SLCO1B3: variants seen among roughly 807,000 people sequenced by gnomAD.
SLCO1B3 encodes solute carrier organic anion transporter family member 1B3.
Under a neutral mutation model 71.8 loss-of-function variants are expected in SLCO1B3, and 72 were observed. That is an observed-to-expected ratio of 1.00 (90% CI 0.83 to 1.22). The LOEUF (loss-of-function observed/expected upper bound fraction) is 1.22. Among genes scored for constraint, SLCO1B3 ranks in the 50% most tolerant of loss-of-function variants. The pLI, the probability that SLCO1B3 is intolerant of heterozygous loss-of-function variation, is 0.00. For missense variants in SLCO1B3, 911 were observed against 819.7 expected (o/e 1.11, Z -1.36); for synonymous variants, 298 against 278.4 (o/e 1.07, Z -0.70).
At chr12:20,882,970 G>A (rs1206613234) in intron 12 of SLCO1B3, among the ~76,000 whole-genome samples, 2 of 151,986 alleles carry the variant, frequency 1.3e-5, no homozygotes, top group Admixed American at 1.3e-4. Flanking sequence ...TGTTGCTTTT[G>A]CCTGCTTAAA....
intron 4 of SLCO1B3, among the ~76,000 whole-genome samples, chr12:20,857,847 A>C (rs773750020): frequency 2.9e-4 from 44 of 152,120 alleles, no homozygotes; most frequent in Non-Finnish European, 5.3e-4. Context: ...CTCTTCTTCC[A>C]TGTTTTAATC....
chr12:20,881,851 C>A (rs892425252), intron 12 of SLCO1B3, among the ~76,000 whole-genome samples: 1 of 152,112 alleles, frequency 6.6e-6, no homozygotes, highest in Non-Finnish European at 1.5e-5. Context: ...TAGTCAGCTG[C>A]GATTATGACT....
At chr12:20,860,597 CTT>C (rs1491377539) in intron 5 of SLCO1B3, among the ~76,000 whole-genome samples, 1,938 of 79,528 alleles carry the variant, frequency 0.024, 21 homozygotes, top group Middle Eastern at 0.065. Flanking sequence ...AAGTCAAGCA[CTT>C]TGTGTGTGTG....
At chr12:20,845,988 T>A (rs199785224) in intron 3 of SLCO1B3, among the ~76,000 whole-genome samples, 1 of 143,114 alleles carries the variant, frequency 7.0e-6, no homozygotes, top group Admixed American at 7.1e-5. Context: ...TTTTTTTTTT[T>A]AACTGTTGTT....
chr12:20,845,157 G>T, intron 3 of SLCO1B3: 1 of 464,050 alleles, frequency 2.2e-6, no homozygotes, highest in South Asian at 1.7e-5. Flanking sequence ...AGCTCACCGG[G>T]CTGATTGTGA....
chr12:20,901,937 T>C, intron 15 of SLCO1B3: 1 of 431,274 alleles, frequency 2.3e-6, no homozygotes, highest in Non-Finnish European at 4.6e-6. Flanking sequence ...GACAACTAGA[T>C]TATCTGGAAG....
At chr12:20,866,314 A>G (rs748115826) in intron 8 of SLCO1B3, among the ~76,000 whole-genome samples, 2 of 152,152 alleles carry the variant, frequency 1.3e-5, no homozygotes, top group Non-Finnish European at 2.9e-5. Context: ...CACACAGAAA[A>G]ATGGATCAAC....
intron 3 of SLCO1B3, among the ~76,000 whole-genome samples, chr12:20,823,466 TAA>T (rs1864360344): frequency 1.3e-5 from 2 of 152,348 alleles, no homozygotes; most frequent in South Asian, 4.1e-4. Context: ...ACAGGTACTA[TAA>T]TTTATAGAAG....
At chr12:20,848,338 T>C (rs1237365857) in intron 3 of SLCO1B3, among the ~76,000 whole-genome samples, 3 of 152,174 alleles carry the variant, frequency 2.0e-5, no homozygotes, top group African/African-American at 7.2e-5. Context: ...AAATGCCAAA[T>C]GCTGGCAAAT....
At chr12:20,830,781 A>G (rs7967577) in intron 3 of SLCO1B3, among the ~76,000 whole-genome samples, 2 of 152,216 alleles carry the variant, frequency 1.3e-5, no homozygotes, top group African/African-American at 4.8e-5. Context: ...GTCTATTGTG[A>G]TGAAATATTT....
At chr12:20,890,227 A>G (rs1565603979) in intron 13 of SLCO1B3, among the ~76,000 whole-genome samples, 2 of 70,714 alleles carry the variant, frequency 2.8e-5, no homozygotes, top group Non-Finnish European at 1.0e-4. Context: ...CCTCATTTCA[A>G]TTAAAAAAAA....
At position 20,860,599 on chromosome 12, in the gene SLCO1B3, TTGTGTG is replaced by T. The variant is rs34409706; in HGVS notation, c.360-386_360-381del. ...ATTGAGTTTTGAAAAGTCAAGCACTTTGTGTGTGTGTGTGTGTGTGTGTGTGTGTGT... is the reference window on the plus strand; with the variant it reads ...ATTGAGTTTTGAAAAGTCAAGCACTTTGTGTGTGTGTGTGTGTGTGTGTGT... On this transcript the variant is annotated intron_variant, in intron 5 of 15. Transcript: ENST00000381545. Among the ~76,000 whole-genome samples, 830 of 146,720 alleles carry T rather than the reference TTGTGTG, an allele frequency of 5.7e-3. 7 individuals carry two copies. Among genetic ancestry groups the T allele is most frequent in the African/African-American group, 0.02 (781 of 39,630 alleles).
At chr12:20,823,983 G>A (rs1003275879) in intron 3 of SLCO1B3, among the ~76,000 whole-genome samples, 3 of 152,048 alleles carry the variant, frequency 2.0e-5, no homozygotes, top group African/African-American at 4.8e-5. Context: ...CTCGAATTAC[G>A]TCCTGTGATA....
intron 13 of SLCO1B3, among the ~76,000 whole-genome samples, chr12:20,893,219 G>A (rs952337242): frequency 1.3e-5 from 2 of 152,050 alleles, no homozygotes; most frequent in Admixed American, 6.6e-5. Flanking sequence ...GACTGTGGGT[G>A]GAAGACTTTC....
intron 3 of SLCO1B3, among the ~76,000 whole-genome samples, chr12:20,822,198 C>T (rs887234039): frequency 1.5e-4 from 23 of 152,094 alleles, no homozygotes; most frequent in African/African-American, 5.3e-4. Flanking sequence ...CATGTGTGTC[C>T]ATGTGAAGAG....
chr12:20,886,774 A>G (rs910675602), intron 13 of SLCO1B3, among the ~76,000 whole-genome samples: 5 of 151,968 alleles, frequency 3.3e-5, no homozygotes, highest in African/African-American at 1.2e-4. Context: ...CATGGATTAT[A>G]TTGTGCAGTG....
chr12:20,861,845 T>C (rs994720288), intron 6 of SLCO1B3, among the ~76,000 whole-genome samples: 3 of 152,096 alleles, frequency 2.0e-5, no homozygotes, highest in African/African-American at 7.2e-5. Flanking sequence ...AACAAAAATA[T>C]ACTTGCCTAC....
intron 8 of SLCO1B3, among the ~76,000 whole-genome samples, chr12:20,870,492 T>C (rs1211949854): frequency 6.6e-6 from 1 of 152,148 alleles, no homozygotes; most frequent in Non-Finnish European, 1.5e-5. Context: ...TTCAACATAG[T>C]CTGAGTTTAT....
At chr12:20,841,278 G>A (rs1738499499) in intron 3 of SLCO1B3, among the ~76,000 whole-genome samples, 1 of 152,032 alleles carries the variant, frequency 6.6e-6, no homozygotes, top group African/African-American at 2.4e-5. Context: ...TTTACTTGAT[G>A]TTAGAAAAAA....
Sources: allele counts gnomAD v4.1 joint callset (sites outside exome capture counted in the v4.1 genomes callset), GRCh38; gene constraint gnomAD v4.1.1; transcripts MANE v1.5; gene names NCBI Gene and HGNC (gene_info 2026-07-23, HGNC 2026-07-21).